Variants in B4GALT6 observed in about 807,000 individuals in gnomAD.
B4GALT6 encodes the protein beta-1,4-galactosyltransferase 6.
Under a neutral mutation model 46.3 loss-of-function variants are expected in B4GALT6, and 14 were observed. The ratio of observed to expected loss-of-function variants is 0.30; its 90% CI spans 0.20 to 0.47. B4GALT6 has a LOEUF of 0.47. Ranked by LOEUF, B4GALT6 falls within the 20% of genes least tolerant of loss-of-function variation. The probability of loss-of-function intolerance (pLI) is 0.99; values close to 1 mark genes in which losing one functional copy is unlikely to be tolerated. For missense variants in B4GALT6, 386 were observed against 480.1 expected, an observed-to-expected ratio of 0.80 and a Z score of 1.83; for synonymous variants, 168 against 162.0, an observed-to-expected ratio of 1.04 and a Z score of -0.28.
chr18:31,707,234 T>TC, the B4GALT6 span, among the ~76,000 whole-genome samples: 8 of 144,820 alleles, frequency 5.5e-5, no homozygotes, highest in African/African-American at 2.0e-4. Flanking sequence ...TTTCTTTCTT[T>TC]TTTTTTTTTT....
chr18:31,658,753 C>T (rs116742632), intron 2 of B4GALT6, among the ~76,000 whole-genome samples: 11 of 152,306 alleles, frequency 7.2e-5, no homozygotes, highest in African/African-American at 2.6e-4. Flanking sequence ...CTGTGTGATA[C>T]AGGGCAGGAC....
chr18:31,645,220 C>T (rs2073977530), intron 4 of B4GALT6, 135 bp downstream of exon 4: 3 of 1,210,238 alleles, frequency 2.5e-6, no homozygotes, highest in Admixed American at 2.6e-5. Flanking sequence ...AAATAGTAAA[C>T]ATTAAAGACA....
At chr18:31,645,024 A>C (rs1791224) in intron 4 of B4GALT6, among the ~76,000 whole-genome samples, 37 of 152,322 alleles carry the variant, frequency 2.4e-4, no homozygotes, top group African/African-American at 8.4e-4. Flanking sequence ...CAGCTGCAGG[A>C]GGCAGGGAAC....
chr18:31,681,151 T>C (rs931463093), intron 1 of B4GALT6, among the ~76,000 whole-genome samples: 2 of 152,212 alleles, frequency 1.3e-5, no homozygotes, highest in South Asian at 2.1e-4. Context: ...ACAACTCCTA[T>C]TGTTGAATGA....
At position 31,622,988 on chromosome 18, in the gene B4GALT6, G is replaced by T. The variant is rs17803165; in HGVS notation, c.*2626C>A. 4 of 151,990 alleles carry T rather than the reference G, an allele frequency of 2.6e-5. No individual in the cohort carries two copies. Among genetic ancestry groups the T allele is most frequent in the Non-Finnish European group, 5.9e-5 (4 of 67,910 alleles). 9.4% of individuals were successfully genotyped at this position (151,990 alleles called of 1,614,324 possible). A position where few individuals can be genotyped will look rare whatever the true frequency, so the allele number is the denominator to read the frequency against. On this transcript the variant is annotated 3_prime_UTR_variant, in exon 9 of 9. Coordinates refer to ENST00000306851, the MANE Select transcript of B4GALT6 (RefSeq NM_004775.5). Reference sequence around the variant, plus strand: ...ACGGGTTTCTTGACTTTGAGACTAGGAAATACAACAGATAAGTTATCAGAA... The same window carrying T: ...ACGGGTTTCTTGACTTTGAGACTAGTAAATACAACAGATAAGTTATCAGAA...
chr18:31,652,738 C>A (rs901376623), intron 3 of B4GALT6, among the ~76,000 whole-genome samples: 1 of 152,186 alleles, frequency 6.6e-6, no homozygotes, highest in Non-Finnish European at 1.5e-5. Flanking sequence ...CTCAACTGGT[C>A]GCCACATCTG....
chr18:31,670,660 A>T (rs1259642150), intron 1 of B4GALT6, among the ~76,000 whole-genome samples: 1 of 152,366 alleles, frequency 6.6e-6, no homozygotes, highest in East Asian at 1.9e-4. Context: ...ACACTAAACC[A>T]GCATGAGAAT....
At chr18:31,665,898 C>T (rs533988526) in intron 2 of B4GALT6, among the ~76,000 whole-genome samples, 9 of 152,228 alleles carry the variant, frequency 5.9e-5, no homozygotes, top group African/African-American at 2.2e-4. Flanking sequence ...AACTTAGGAA[C>T]TAGAATGAAC....
chr18:31,686,931 G>A (rs962712521), upstream of B4GALT6: 3 of 152,206 alleles, frequency 2.0e-5, no homozygotes, highest in Admixed American at 1.3e-4. Context: ...CTCAGGCAAG[G>A]TTGGCTTTTT....
upstream of B4GALT6, among the ~76,000 whole-genome samples, chr18:31,684,977 G>C (rs1209652082): frequency 6.8e-6 from 1 of 147,216 alleles, no homozygotes; most frequent in Non-Finnish European, 1.5e-5. Flanking sequence ...TGCCTGCGCG[G>C]GGCTAGCGTG....
upstream of B4GALT6, chr18:31,684,615 G>A (rs1466760284): frequency 1.7e-6 from 2 of 1,169,628 alleles, no homozygotes; most frequent in African/African-American, 1.6e-5. Context: ...TGAATGGGAG[G>A]CCAGAGAGTC....
At position 31,627,241 on chromosome 18, in the gene B4GALT6, A is replaced by G. The variant is rs921015985; in HGVS notation, c.777-120T>C. Reference sequence around the variant, plus strand: ...GCCCTTATATTCTATATAGACAATTATGTTAGAAAATGTAAAGTACACCAA... The same window carrying G: ...GCCCTTATATTCTATATAGACAATTGTGTTAGAAAATGTAAAGTACACCAA... On this transcript the variant is annotated intron_variant, in intron 6 of 8. Transcript: ENST00000306851. The G allele has an allele frequency of 5.6e-6, 4 of 715,692 alleles. No homozygotes were observed. In the Admixed American group the frequency reaches 1.0e-4, roughly 19 times the overall value. 44.3% of individuals were successfully genotyped at this position (715,692 alleles called of 1,614,324 possible).
At chr18:31,723,173 A>G in the B4GALT6 span, among the ~76,000 whole-genome samples, 10 of 152,122 alleles carry the variant, frequency 6.6e-5, no homozygotes, top group African/African-American at 2.4e-4. Context: ...ATTGGCTTCT[A>G]ATTTCTTTTT....
intron 1 of B4GALT6, among the ~76,000 whole-genome samples, chr18:31,675,275 TAAA>T (rs1378213037): frequency 6.6e-6 from 1 of 152,226 alleles, no homozygotes; most frequent in Non-Finnish European, 1.5e-5. Context: ...ATGATCTTAC[TAAA>T]AATGTTCAGG....
At chr18:31,708,074 G>C in the B4GALT6 span, among the ~76,000 whole-genome samples, 3 of 152,148 alleles carry the variant, frequency 2.0e-5, no homozygotes, top group East Asian at 5.8e-4. Flanking sequence ...GCAGACTTCA[G>C]TATGCATTAT....
chr18:31,625,829 G>T, intron 8 of B4GALT6, 68 bp from the exon 9 acceptor site: 2 of 1,313,168 alleles, frequency 1.5e-6, no homozygotes, highest in Non-Finnish European at 2.0e-6. Context: ...GATAAGGACT[G>T]TGTTCAAGGT....
chr18:31,706,850 T>C, the B4GALT6 span, among the ~76,000 whole-genome samples: 1 of 152,180 alleles, frequency 6.6e-6, no homozygotes, highest in East Asian at 1.9e-4. Context: ...TCCTAAGAAC[T>C]GTGCTATTTC....
intron 4 of B4GALT6, among the ~76,000 whole-genome samples, chr18:31,641,300 C>T (rs996268178): frequency 2.6e-5 from 4 of 152,218 alleles, no homozygotes; most frequent in East Asian, 1.9e-4. Context: ...GAAACTGAGA[C>T]GGTAATAAAA....
chr18:31,666,248 A>G lies in B4GALT6; in HGVS notation c.232+8T>C. ...AACTACAAGGGGTTAAGCAGGAAGT[A>G]GTCTTACCTGTACCGTTGAGCGTAC... On this transcript the variant is annotated splice_region_variant and intron_variant, in intron 2 of 8. Transcript: ENST00000306851. The G allele has an allele frequency of 6.6e-7, 1 of 1,505,174 alleles. No individual in the cohort carries two copies. Among genetic ancestry groups the G allele is most frequent in the Non-Finnish European group, 9.1e-7 (1 of 1,096,550 alleles). The allele number at this position is 1,505,174 out of a possible 1,614,324, so 93.2% of individuals were successfully genotyped here.
Sources: gnomAD v4.1 joint callset for allele counts (sites outside exome capture counted in the v4.1 genomes callset) on GRCh38, gnomAD v4.1.1 for gene constraint, MANE v1.5 for transcripts, NCBI Gene and HGNC (gene_info 2026-07-23, HGNC 2026-07-21) for gene names.